Variants in STK39 observed in about 807,000 individuals in gnomAD.
The protein encoded by STK39 is STE20/SPS1-related proline-alanine-rich protein kinase.
A neutral mutation model predicts 77.8 loss-of-function variants in STK39; 20 were observed. That is an observed-to-expected ratio of 0.26 (90% confidence interval 0.18 to 0.37). The LOEUF (loss-of-function observed/expected upper bound fraction) is 0.37, where lower values mean the gene tolerates loss of function less well. STK39 is among the 10% of genes least tolerant of loss of function. STK39 has a pLI of 1.00. For missense variants in STK39, 479 were observed against 656.5 expected (o/e 0.73, Z 2.95); for synonymous variants, 246 against 234.1 (o/e 1.05, Z -0.47).
intron 10 of STK39, among the ~76,000 whole-genome samples, chr2:168,096,402 T>C (rs1297247228): frequency 6.6e-6 from 1 of 152,200 alleles, no homozygotes; most frequent in African/African-American, 2.4e-5. Context: ...ACGGTGATAA[T>C]ACCTACCTCA....
At chr2:167,979,007 G>A (rs559792533) in intron 16 of STK39, among the ~76,000 whole-genome samples, 1 of 152,106 alleles carries the variant, frequency 6.6e-6, no homozygotes, top group South Asian at 2.1e-4. Flanking sequence ...GAACATGATC[G>A]ATAATTCATT....
intron 10 of STK39, among the ~76,000 whole-genome samples, chr2:168,112,652 A>C (rs1293070520): frequency 6.6e-6 from 1 of 152,156 alleles, no homozygotes; most frequent in Non-Finnish European, 1.5e-5. Context: ...AAACAAACTA[A>C]TACAACCCCT....
chr2:168,041,031 A>G (rs1050295790), intron 14 of STK39, among the ~76,000 whole-genome samples: 22 of 152,230 alleles, frequency 1.4e-4, no homozygotes, highest in African/African-American at 5.1e-4. Context: ...GGCATGGAAC[A>G]TAGAGAAGTA....
chr2:168,012,037 A>G (rs971362835), intron 16 of STK39, among the ~76,000 whole-genome samples: 1 of 152,154 alleles, frequency 6.6e-6, no homozygotes, highest in Non-Finnish European at 1.5e-5. Flanking sequence ...CAGAATTGAT[A>G]GCATCTTATT....
At chr2:167,980,658 C>T (rs546861880) in intron 16 of STK39, among the ~76,000 whole-genome samples, 1 of 152,006 alleles carries the variant, frequency 6.6e-6, no homozygotes, top group South Asian at 2.1e-4. Flanking sequence ...CACATGTGGC[C>T]AGTCATGTGG....
intron 14 of STK39, among the ~76,000 whole-genome samples, chr2:168,060,131 C>T (rs1199373977): frequency 6.6e-6 from 1 of 152,088 alleles, no homozygotes; most frequent in Non-Finnish European, 1.5e-5. Flanking sequence ...GACATCCCCC[C>T]CCTTTCCACC....
At chr2:168,081,354 G>A (rs1574449526) in intron 10 of STK39, among the ~76,000 whole-genome samples, 1 of 152,276 alleles carries the variant, frequency 6.6e-6, no homozygotes, top group African/African-American at 2.4e-5. Flanking sequence ...GATCATTTTG[G>A]AGCTTTAAGA....
intron 1 of STK39, among the ~76,000 whole-genome samples, chr2:168,241,082 G>T (rs905829204): frequency 1.5e-4 from 23 of 149,800 alleles, no homozygotes; most frequent in Admixed American, 5.9e-4. Flanking sequence ...GTGAAAGGAA[G>T]AAACGAGATA....
chr2:167,967,707 C>T (rs1011471431), intron 16 of STK39, among the ~76,000 whole-genome samples: 4 of 152,176 alleles, frequency 2.6e-5, no homozygotes, highest in Admixed American at 6.5e-5. Flanking sequence ...GGAGCCGACA[C>T]TTTTTTGGCA....
At chr2:167,992,497 G>A (rs1302523977) in intron 16 of STK39, among the ~76,000 whole-genome samples, 1 of 152,174 alleles carries the variant, frequency 6.6e-6, no homozygotes, top group Admixed American at 6.5e-5. Context: ...AGGCTTTGTG[G>A]TAAAACTTGA....
chr2:168,180,435 CA>C (rs1689057381), intron 2 of STK39, among the ~76,000 whole-genome samples: 1 of 146,962 alleles, frequency 6.8e-6, no homozygotes, highest in Admixed American at 6.8e-5. Flanking sequence ...ATGCACACTC[CA>C]AATTTTTTTT....
chr2:168,081,743 A>T (rs965489044), intron 10 of STK39, among the ~76,000 whole-genome samples: 9 of 152,098 alleles, frequency 5.9e-5, no homozygotes, highest in Non-Finnish European at 8.8e-5. Context: ...CACAGGAGGA[A>T]CCCGGTGGGA....
intron 1 of STK39, among the ~76,000 whole-genome samples, chr2:168,192,196 G>GC (rs938852213): frequency 2.6e-5 from 4 of 152,112 alleles, no homozygotes; most frequent in Non-Finnish European, 5.9e-5. Context: ...TTCCCCTGGT[G>GC]CCCCCATTAG....
At chr2:168,031,661 G>A (rs1224444239) in intron 14 of STK39, among the ~76,000 whole-genome samples, 3 of 152,138 alleles carry the variant, frequency 2.0e-5, no homozygotes, top group Non-Finnish European at 2.9e-5. Context: ...ACATGTGCCC[G>A]CACAGAGGAA....
At chr2:168,027,903 A>T (rs1272806561) in intron 14 of STK39, among the ~76,000 whole-genome samples, 3 of 152,182 alleles carry the variant, frequency 2.0e-5, no homozygotes, top group Non-Finnish European at 4.4e-5. Context: ...TCATGGAGAG[A>T]TCTCTAATAC....
At chr2:167,976,963 A>G (rs1683291690) in intron 16 of STK39, among the ~76,000 whole-genome samples, 2 of 152,236 alleles carry the variant, frequency 1.3e-5, no homozygotes, top group South Asian at 2.1e-4. Flanking sequence ...GGAATGTTAC[A>G]GGTACTATGG....
chr2:168,123,218 C>A (rs765406516), intron 10 of STK39, among the ~76,000 whole-genome samples: 17 of 152,134 alleles, frequency 1.1e-4, no homozygotes, highest in Non-Finnish European at 2.2e-4. Flanking sequence ...AAACACTGTT[C>A]TAGATTAAAA....
At chr2:168,039,103 T>G (rs1236903202) in intron 14 of STK39, among the ~76,000 whole-genome samples, 1 of 152,138 alleles carries the variant, frequency 6.6e-6, no homozygotes, top group Non-Finnish European at 1.5e-5. Context: ...AGCAGCATTA[T>G]TCATAACAGT....
At chr2:168,109,315 GT>G (rs1450604119) in intron 10 of STK39, among the ~76,000 whole-genome samples, 2 of 152,094 alleles carry the variant, frequency 1.3e-5, no homozygotes, top group Non-Finnish European at 2.9e-5. Flanking sequence ...ATCACTTAGT[GT>G]TATTTTTTAG....
Sources: allele counts gnomAD v4.1 joint callset (sites outside exome capture counted in the v4.1 genomes callset), GRCh38; gene constraint gnomAD v4.1.1; transcripts MANE v1.5; gene names NCBI Gene and HGNC (gene_info 2026-07-23, HGNC 2026-07-21).